The following RBPJ variants were observed in gnomAD, a reference collection of about 807,000 sequenced individuals.
RBPJ encodes the protein recombination signal binding protein for immunoglobulin kappa J region, also known as recombining binding protein suppressor of hairless.
Under a neutral mutation model 67.8 loss-of-function variants are expected in RBPJ, and 9 were observed. The observed-to-expected ratio is 0.13, with a 90% CI of 0.08 to 0.23. RBPJ has a LOEUF of 0.23. RBPJ is among the 10% of genes least tolerant of loss of function. The probability of loss-of-function intolerance (pLI) is 1.00; values close to 1 mark genes in which losing one functional copy is unlikely to be tolerated. For missense variants in RBPJ, 305 were observed against 595.6 expected, an observed-to-expected ratio of 0.51 and a Z score of 5.08; for synonymous variants, 198 against 203.3, an observed-to-expected ratio of 0.97 and a Z score of 0.22.
At chr4:26,244,412 T>TATATATGTATGC (rs1560226552) in intron 1 of RBPJ, among the ~76,000 whole-genome samples, 1 of 592 alleles carries the variant, frequency 1.7e-3, no homozygotes, top group African/African-American at 0.012. Flanking sequence ...TATGTGTGTA[T>TATATATGTATGC]ACATATGTGT....
Position 26,386,401 on chromosome 4 carries a change from A to G in RBPJ, c.59+10A>G. On this transcript the variant is annotated intron_variant, in intron 2 of 10. Transcript: ENST00000355476. Reference sequence around the variant, plus strand: ...CTAAACGACTTACTAGGTGAGTATTATATTAGTCAGCTTTTTACACATACA... The same window carrying G: ...CTAAACGACTTACTAGGTGAGTATTGTATTAGTCAGCTTTTTACACATACA... 2 of 1,573,396 alleles carry G rather than the reference A, an allele frequency of 1.3e-6. No individual in the cohort carries two copies. Among genetic ancestry groups the G allele is most frequent in the Non-Finnish European group, 1.7e-6 (2 of 1,154,582 alleles).
chr4:26,393,709 C>A (rs981677581), intron 2 of RBPJ, among the ~76,000 whole-genome samples: 1 of 151,896 alleles, frequency 6.6e-6, no homozygotes, highest in Non-Finnish European at 1.5e-5. Flanking sequence ...TTTTTTCCTC[C>A]ATTTCTCCTT....
intron 1 of RBPJ, among the ~76,000 whole-genome samples, chr4:26,307,477 T>C (rs985246147): frequency 1.3e-5 from 2 of 152,234 alleles, no homozygotes; most frequent in South Asian, 4.1e-4. Context: ...ATCATGCAAA[T>C]ACAGATATAG....
chr4:26,169,007 T>G (rs191168898), intron 1 of RBPJ, among the ~76,000 whole-genome samples: 2 of 152,336 alleles, frequency 1.3e-5, no homozygotes, highest in African/African-American at 4.8e-5. Context: ...TTCCTTGCCT[T>G]TGGTTTGAAT....
At chr4:26,218,536 G>C (rs965216218) in intron 1 of RBPJ, among the ~76,000 whole-genome samples, 2 of 152,188 alleles carry the variant, frequency 1.3e-5, no homozygotes, top group African/African-American at 4.8e-5. Context: ...TCTGGAGCCT[G>C]CCATTCTACT....
chr4:26,259,120 T>C (rs1443162402), intron 1 of RBPJ, among the ~76,000 whole-genome samples: 1 of 151,978 alleles, frequency 6.6e-6, no homozygotes, highest in African/African-American at 2.4e-5. Flanking sequence ...TTTTTAAGAT[T>C]AGGAAACAAA....
At chr4:26,119,600 C>T in the RBPJ span, among the ~76,000 whole-genome samples, 2 of 152,190 alleles carry the variant, frequency 1.3e-5, no homozygotes, top group Non-Finnish European at 2.9e-5. Flanking sequence ...TTTCTATCCA[C>T]ATTCTACCCA....
chr4:26,356,925 T>A (rs948666263), intron 1 of RBPJ, among the ~76,000 whole-genome samples: 4 of 152,202 alleles, frequency 2.6e-5, no homozygotes, highest in Admixed American at 2.6e-4. Context: ...CGAATAGATA[T>A]CATTCGAAGT....
At chr4:26,333,880 G>A (rs1048268205) in intron 1 of RBPJ, among the ~76,000 whole-genome samples, 1 of 152,054 alleles carries the variant, frequency 6.6e-6, no homozygotes, top group South Asian at 2.1e-4. Flanking sequence ...TGTAGAGACA[G>A]GGTCTCCAAC....
chr4:26,302,883 G>A (rs1722116221), intron 1 of RBPJ, among the ~76,000 whole-genome samples: 1 of 151,992 alleles, frequency 6.6e-6, no homozygotes, highest in Admixed American at 6.6e-5. Flanking sequence ...TCTTATCCTT[G>A]TCAGAAACAT....
chr4:26,431,238 T>C lies in RBPJ; in HGVS notation c.*231T>C, dbSNP rs542628478. The C allele has an allele frequency of 2.6e-4, 99 of 383,742 alleles. No individual in the cohort carries two copies. Among genetic ancestry groups the C allele is most frequent in the African/African-American group, 1.2e-3 (57 of 45,868 alleles). The allele number at this position is 383,742 out of a possible 1,614,324, so 23.8% of individuals were successfully genotyped here. Reference sequence around the variant, plus strand: ...AAAAAAAAATCAAAATGTATAAATATTGGAAATCAAGTTTTTCAGCTGTTT... The same window carrying C: ...AAAAAAAAATCAAAATGTATAAATACTGGAAATCAAGTTTTTCAGCTGTTT... On this transcript the variant is annotated 3_prime_UTR_variant, in exon 11 of 11. Transcript: ENST00000355476.
chr4:26,339,871 T>G (rs942316833), intron 1 of RBPJ, among the ~76,000 whole-genome samples: 2 of 152,008 alleles, frequency 1.3e-5, no homozygotes, highest in African/African-American at 2.4e-5. Context: ...ATACAAAAAT[T>G]AGCCGGGCAT....
chr4:26,106,712 G>T, the RBPJ span, among the ~76,000 whole-genome samples: 3 of 152,252 alleles, frequency 2.0e-5, no homozygotes, highest in East Asian at 1.9e-4. Context: ...CAGTAATTTG[G>T]TAAGTCACTG....
chr4:26,401,945 A>G (rs978698361), intron 2 of RBPJ, among the ~76,000 whole-genome samples: 7 of 147,636 alleles, frequency 4.7e-5, no homozygotes, highest in Admixed American at 2.0e-4. Flanking sequence ...CTGGAGTGCA[A>G]TGGTGCAATC....
At chr4:26,299,326 T>G (rs1199017820) in intron 1 of RBPJ, among the ~76,000 whole-genome samples, 1 of 152,202 alleles carries the variant, frequency 6.6e-6, no homozygotes, top group Non-Finnish European at 1.5e-5. Flanking sequence ...CACCCAAATT[T>G]CATGCTTATT....
intron 1 of RBPJ, among the ~76,000 whole-genome samples, chr4:26,332,177 G>A (rs967841481): frequency 2.0e-5 from 3 of 151,842 alleles, no homozygotes; most frequent in South Asian, 4.2e-4. Context: ...TGATTAAATG[G>A]ATATTACTAA....
chr4:26,367,557 C>A (rs1728758201), intron 1 of RBPJ, among the ~76,000 whole-genome samples: 1 of 152,106 alleles, frequency 6.6e-6, no homozygotes, highest in African/African-American at 2.4e-5. Flanking sequence ...ATTCAGAAGG[C>A]AAATATAAAA....
intron 1 of RBPJ, among the ~76,000 whole-genome samples, chr4:26,328,475 G>T (rs920896253): frequency 2.6e-5 from 4 of 152,192 alleles, no homozygotes; most frequent in Admixed American, 2.0e-4. Flanking sequence ...CCGATATTTA[G>T]TGTTGGTGGG....
intron 3 of RBPJ, among the ~76,000 whole-genome samples, chr4:26,413,176 G>T (rs1453868614): frequency 6.6e-6 from 1 of 152,154 alleles, no homozygotes; most frequent in Non-Finnish European, 1.5e-5. Context: ...TCTGTTGGTT[G>T]TTTCCCCACT....
Sources: gnomAD v4.1 joint callset for allele counts (sites outside exome capture counted in the v4.1 genomes callset) on GRCh38, gnomAD v4.1.1 for gene constraint, MANE v1.5 for transcripts, NCBI Gene and HGNC (gene_info 2026-07-23, HGNC 2026-07-21) for gene names.